PLEKHG7: variants seen among roughly 807,000 people sequenced by gnomAD.
PLEKHG7 encodes the protein pleckstrin homology domain-containing family G member 7.
In PLEKHG7, 77 loss-of-function variants were observed where a neutral mutation model predicts 85.2. The observed-to-expected ratio is 0.90, with a 90% CI of 0.75 to 1.09. The LOEUF (loss-of-function observed/expected upper bound fraction) is 1.09, where lower values mean the gene tolerates loss of function less well. Among genes scored for constraint, PLEKHG7 ranks in the 50% least tolerant of loss-of-function variants. PLEKHG7 has a pLI of 0.00. For missense variants in PLEKHG7, 777 were observed against 804.3 expected, an observed-to-expected ratio of 0.97 and a Z score of 0.41; for synonymous variants, 301 against 302.4, an observed-to-expected ratio of 1.00 and a Z score of 0.05.
intron 3 of PLEKHG7, among the ~76,000 whole-genome samples, chr12:92,715,961 T>C (rs1871474590): frequency 6.6e-6 from 1 of 152,230 alleles, no homozygotes; most frequent in Non-Finnish European, 1.5e-5. Flanking sequence ...CCCTGGCCTA[T>C]ACAATTAAGA....
At chr12:92,768,956 TTTTGTC>T (rs1331555379) in intron 15 of PLEKHG7, 21 bp from the exon 16 acceptor site, 2 of 1,463,704 alleles carry the variant, frequency 1.4e-6, no homozygotes, top group Non-Finnish European at 1.9e-6. Context: ...TGATTTGGCT[TTTTGTC>T]TTTGTAATAT....
intron 7 of PLEKHG7, among the ~76,000 whole-genome samples, chr12:92,739,715 A>AT (rs376339730): frequency 2.6e-4 from 40 of 152,214 alleles, no homozygotes; most frequent in African/African-American, 9.4e-4. Flanking sequence ...AAGACTCAGT[A>AT]TTTTTTTTAA....
rs1158405848 is a variant in PLEKHG7, at chr12:92,745,538, A to G, written c.1198A>G (p.Ile400Val). ...QTYCLNYSAA[I>V]FYLESLRQRD... ...CTACTGCCTGAACTATTCAGCTGCT[A>G]TCTTTTATCTTGAGAGCCTGAGGCA... is the stretch of plus-strand genomic sequence containing the variant. Residue 400 changes from isoleucine (I) to valine (V), a missense_variant, in exon 10 of 17, where the codon ATC becomes GTC. Ile to Val is a conservative substitution (Grantham distance 29). Around this residue, in one of 3 missense-constraint regions of PLEKHG7, gnomAD observed 520 missense variants for 544.0 expected, o/e 0.96. Transcript: ENST00000344636. 6 of 1,613,896 alleles carry G rather than the reference A, an allele frequency of 3.7e-6. No individual in the cohort carries two copies. The highest frequency in any genetic ancestry group is 1.3e-5 in the African/African-American group (1 of 74,898).
At chr12:92,728,873 A>G in intron 3 of PLEKHG7, 120 bp from the exon 4 acceptor site, 1 of 715,888 alleles carries the variant, frequency 1.4e-6, no homozygotes, top group South Asian at 7.5e-5. Flanking sequence ...ATGGACTATA[A>G]GCATCCCTTT....
At chr12:92,754,051 A>G (rs1395961274) in intron 10 of PLEKHG7, 39 bp from the exon 11 acceptor site, 1 of 1,596,388 alleles carries the variant, frequency 6.3e-7, no homozygotes, top group Admixed American at 1.7e-5. Context: ...TCAGTGGGAG[A>G]GGTGATCATT....
intron 10 of PLEKHG7, among the ~76,000 whole-genome samples, chr12:92,748,862 C>A (rs1872609452): frequency 6.6e-6 from 1 of 152,224 alleles, no homozygotes; most frequent in African/African-American, 2.4e-5. Context: ...CGCAGATACC[C>A]AAGGTGACTA....
chr12:92,716,298 T>C (rs1318850293), intron 3 of PLEKHG7, among the ~76,000 whole-genome samples: 3 of 152,148 alleles, frequency 2.0e-5, no homozygotes, highest in Non-Finnish European at 2.9e-5. Context: ...GATTTCGTCA[T>C]TGTTGGCCAG....
At chr12:92,733,584 T>C (rs1050875588) in intron 5 of PLEKHG7, among the ~76,000 whole-genome samples, 2 of 152,220 alleles carry the variant, frequency 1.3e-5, no homozygotes, top group Non-Finnish European at 2.9e-5. Context: ...ACAAGGCTTA[T>C]GATGCAGCCC....
At chr12:92,719,790 G>A (rs1871586252) in intron 3 of PLEKHG7, among the ~76,000 whole-genome samples, 1 of 152,280 alleles carries the variant, frequency 6.6e-6, no homozygotes, top group Non-Finnish European at 1.5e-5. Context: ...TTTCTAAAAG[G>A]GGAGCTTTGA....
At chr12:92,731,077 A>C (rs1871980382) in intron 4 of PLEKHG7, among the ~76,000 whole-genome samples, 1 of 152,236 alleles carries the variant, frequency 6.6e-6, no homozygotes, top group African/African-American at 2.4e-5. Flanking sequence ...GGATTCAATA[A>C]GGACTCATGA....
At chr12:92,761,623 G>GAAAGGAAGA in intron 13 of PLEKHG7, 129 bp from the exon 14 acceptor site, 1 of 716,896 alleles carries the variant, frequency 1.4e-6, no homozygotes, top group Non-Finnish European at 1.9e-6. Flanking sequence ...AAGAAAGAAA[G>GAAAGGAAGA]AAGAAAGAAA....
rs1909324 is a variant in PLEKHG7, at chr12:92,764,087, C to T, written c.1763C>T (p.Pro588Leu). The T allele has an allele frequency of 6.2e-7, 1 of 1,612,544 alleles. No individual in the cohort carries two copies. The highest frequency in any genetic ancestry group is 1.7e-5 in the Admixed American group (1 of 59,878). Reference sequence around the variant, plus strand: ...GGTTTAATGTGTCCTTCTCTTACTCCTGAGTTGCAAGCAGTAATAAAAGAG... The same window carrying T: ...GGTTTAATGTGTCCTTCTCTTACTCTTGAGTTGCAAGCAGTAATAAAAGAG... The part of the protein sequence containing the change: ...DPGLMCPSLT[P>L]ELQAVIKEGG... The change falls in exon 15 of 17, where the codon CCT (proline) becomes CTT (leucine). Residue 588 changes from proline to leucine, a missense_variant. Pro to Leu is a moderately conservative substitution (Grantham distance 98, BLOSUM62 -3). Transcript: ENST00000344636.
chr12:92,745,404 GA>G, intron 9 of PLEKHG7, 73 bp from the exon 10 acceptor site: 1 of 1,005,626 alleles, frequency 9.9e-7, no homozygotes, highest in East Asian at 2.4e-5. Flanking sequence ...TAAAAGTGAG[GA>G]GAAACACTCT....
chr12:92,737,558 T>G (rs752813538), intron 7 of PLEKHG7, 37 bp downstream of exon 7: 4 of 1,588,966 alleles, frequency 2.5e-6, no homozygotes, highest in Non-Finnish European at 3.4e-6. Context: ...AGATGGAAAA[T>G]ATTAATTTGT....
intron 5 of PLEKHG7, 142 bp from the exon 6 acceptor site, chr12:92,736,340 G>T: frequency 2.2e-6 from 1 of 462,670 alleles, no homozygotes; most frequent in Non-Finnish European, 3.5e-6. Context: ...AAATGGCTTT[G>T]GAACTGTTAG....
intron 3 of PLEKHG7, among the ~76,000 whole-genome samples, chr12:92,714,823 CAAG>C (rs1377252225): frequency 6.6e-6 from 1 of 152,126 alleles, no homozygotes; most frequent in Non-Finnish European, 1.5e-5. Flanking sequence ...CGGTTCACAC[CAAG>C]GACTATCAGT....
In PLEKHG7 at chr12:92,756,260, T is replaced by C. The variant is rs1344469414; in HGVS notation, c.1543-38T>C. On this transcript the variant is annotated intron_variant, in intron 12 of 16. Coordinates refer to ENST00000344636, the MANE Select transcript of PLEKHG7 (RefSeq NM_001377329.1). ...TTTAAACATGTTCTCTTCCAATCAC[T>C]AACAACATCTCTTTTATTTTCTCGC... The C allele has an allele frequency of 1.2e-5, 18 of 1,471,956 alleles. No individual in the cohort carries two copies. The South Asian group carries it at 1.4e-4, about 11-fold the overall frequency. The allele number at this position is 1,471,956 out of a possible 1,614,324, so 91.2% of individuals were successfully genotyped here.
In PLEKHG7 at chr12:92,707,131, G is replaced by T. The variant is rs746583439; in HGVS notation, c.500G>T (p.Ser167Ile). 18 of 1,612,324 alleles carry T rather than the reference G, an allele frequency of 1.1e-5. No individual in the cohort carries two copies. The highest frequency in any genetic ancestry group is 1.5e-5 in the Non-Finnish European group (18 of 1,179,366). ...CCCAGCCCCACCCTACGACACCCTA[G>T]TCCTCAGGTAACACAGCTCTAAGCC... ...FLPSPTLRHP[S>I]PQGEELHPSR... The change falls in exon 2 of 17, where the codon AGT becomes ATT. Residue 167 changes from serine (S) to isoleucine (I), a missense_variant. Coordinates refer to ENST00000344636, the MANE Select transcript of PLEKHG7 (RefSeq NM_001377329.1).
At chr12:92,742,743 G>C (rs566554741) in intron 9 of PLEKHG7, among the ~76,000 whole-genome samples, 1 of 151,812 alleles carries the variant, frequency 6.6e-6, no homozygotes, top group African/African-American at 2.4e-5. Flanking sequence ...GCACCACCAC[G>C]CCGAGTTAAT....
Sources: gnomAD v4.1 joint callset for allele counts (sites outside exome capture counted in the v4.1 genomes callset) on GRCh38, gnomAD v4.1.1 for gene constraint, gnomAD v4.1.1 regional missense constraint, MANE v1.5 for transcripts, NCBI Gene and HGNC (gene_info 2026-07-23, HGNC 2026-07-21) for gene names.